CLGN: variants seen among roughly 807,000 people sequenced by gnomAD.
The protein encoded by CLGN is testis tissue sperm-binding protein Li 79P.
Under a neutral mutation model 79.1 loss-of-function variants are expected in CLGN, and 62 were observed. The ratio of observed to expected loss-of-function variants is 0.78; its 90% CI spans 0.64 to 0.97. The LOEUF is 0.97. CLGN is among the 50% of genes least tolerant of loss of function. The probability of loss-of-function intolerance (pLI) is 0.00; values close to 1 mark genes in which losing one functional copy is unlikely to be tolerated. For synonymous variants in CLGN, 225 were observed against 224.7 expected (o/e 1.00, Z -0.01); for missense variants, 647 against 715.5 (o/e 0.90, Z 1.09).
chr4:140,418,402 A>G (rs1389283212), intron 1 of CLGN, among the ~76,000 whole-genome samples: 2 of 148,426 alleles, frequency 1.3e-5, no homozygotes, highest in East Asian at 1.9e-4. Flanking sequence ...AACTACCATC[A>G]GAGTGAACAA....
chr4:140,413,191 A>G (rs1212306072), intron 1 of CLGN, 104 bp from the exon 2 acceptor site: 1 of 840,740 alleles, frequency 1.2e-6, no homozygotes, highest in Non-Finnish European at 1.9e-6. Flanking sequence ...CCTTTATTCT[A>G]GGATGGCTTT....
In CLGN at chr4:140,415,306, A is replaced by C. The variant is rs1356720592; in HGVS notation, c.-9-2219T>G. On this transcript the variant is annotated intron_variant, in intron 1 of 14. Coordinates refer to ENST00000325617, the MANE Select transcript of CLGN (RefSeq NM_004362.3). Reference sequence around the variant, plus strand: ...AACTGCATCAACTAACGAGCAAAATAACCAGCTAACATCATAATGACAGGA... The same window carrying C: ...AACTGCATCAACTAACGAGCAAAATCACCAGCTAACATCATAATGACAGGA... 7.2e-5 allele frequency among the ~76,000 whole-genome samples: 11 copies of C among 151,904 alleles called. No individual in the cohort carries two copies. The East Asian group carries it at 1.9e-3, about 27-fold the overall frequency.
intron 2 of CLGN, among the ~76,000 whole-genome samples, chr4:140,412,012 A>C (rs1729220904): frequency 6.6e-6 from 1 of 152,152 alleles, no homozygotes; most frequent in Non-Finnish European, 1.5e-5. Context: ...ATTTCTTTGA[A>C]GTATTAATAT....
At chr4:140,404,110 C>G (rs1729047931) in intron 5 of CLGN, among the ~76,000 whole-genome samples, 1 of 150,964 alleles carries the variant, frequency 6.6e-6, no homozygotes, top group Non-Finnish European at 1.5e-5. Flanking sequence ...TTTTTTGAGA[C>G]AGTCTCACTC....
chr4:140,423,348 C>T (rs549934576), intron 1 of CLGN, among the ~76,000 whole-genome samples: 1 of 152,260 alleles, frequency 6.6e-6, no homozygotes, highest in South Asian at 2.1e-4. Context: ...CACTGATTTT[C>T]TTATGTTGAA....
At chr4:140,414,545 T>C (rs1463374492) in intron 1 of CLGN, among the ~76,000 whole-genome samples, 14 of 149,020 alleles carry the variant, frequency 9.4e-5, no homozygotes, top group Non-Finnish European at 1.8e-4. Context: ...GAGAACTACG[T>C]GAAGAATGCA....
At chr4:140,415,060 A>C (rs1174990338) in intron 1 of CLGN, among the ~76,000 whole-genome samples, 3 of 152,062 alleles carry the variant, frequency 2.0e-5, no homozygotes, top group African/African-American at 4.8e-5. Flanking sequence ...ATTCTTAAAG[A>C]CAAGAATTTT....
chr4:140,389,569 T>C (rs1326807267), intron 14 of CLGN, among the ~76,000 whole-genome samples: 2 of 151,802 alleles, frequency 1.3e-5, no homozygotes, highest in Non-Finnish European at 3.0e-5. Context: ...AAATATTTTG[T>C]AAAGTAAATG....
At chr4:140,400,619 C>T (rs1728981745) in intron 6 of CLGN, 70 bp from the exon 7 acceptor site, 2 of 984,618 alleles carry the variant, frequency 2.0e-6, no homozygotes, top group Admixed American at 2.7e-5. Flanking sequence ...TGTATTTTAT[C>T]CAATGGGTAG....
intron 1 of CLGN, among the ~76,000 whole-genome samples, chr4:140,414,286 A>G (rs1363677577): frequency 2.6e-5 from 4 of 152,180 alleles, no homozygotes; most frequent in Non-Finnish European, 1.5e-5. Flanking sequence ...TCTAAAAAGC[A>G]GAGCGCCTCT....
chr4:140,394,413 G>A (rs1728832150), intron 10 of CLGN, among the ~76,000 whole-genome samples: 1 of 152,166 alleles, frequency 6.6e-6, no homozygotes, highest in African/African-American at 2.4e-5. Context: ...TAGCAAAAAT[G>A]GAGTTACTCC....
chr4:140,392,534 A>G (rs1172996063), intron 12 of CLGN, 52 bp downstream of exon 12: 1 of 1,553,264 alleles, frequency 6.4e-7, no homozygotes, highest in South Asian at 1.2e-5. Flanking sequence ...TAGAACTCTT[A>G]AACAACAAGA....
At position 140,400,443 on chromosome 4, in the gene CLGN, C is replaced by A; in HGVS notation, c.608G>T (p.Gly203Val). 2 of 1,612,350 alleles carry A rather than the reference C, an allele frequency of 1.2e-6. No individual in the cohort carries two copies. The highest frequency in any genetic ancestry group is 1.7e-6 in the Non-Finnish European group (2 of 1,178,666). ...FIFRHKHPKT[G>V]VFEEKHAKPP... is the part of the protein sequence containing the mutation. ...TTTGGCATGTTTCTCTTCGAAAACT[C>A]CAGTTTTGGGATGTTTATGTCTGAA... is the stretch of plus-strand genomic sequence containing the variant. Residue 203 changes from glycine to valine, a missense_variant, in exon 7 of 15, where the codon GGA (glycine) becomes GTA (valine). Gly to Val is a moderately radical substitution (Grantham distance 109). Transcript: ENST00000325617.
At chr4:140,420,021 A>T (rs1466761556) in intron 1 of CLGN, among the ~76,000 whole-genome samples, 7 of 152,210 alleles carry the variant, frequency 4.6e-5, no homozygotes, top group Non-Finnish European at 1.0e-4. Flanking sequence ...AGCAAAATAA[A>T]AACACATAAA....
chr4:140,424,618 G>A (rs1444124964), intron 1 of CLGN, among the ~76,000 whole-genome samples: 1 of 152,106 alleles, frequency 6.6e-6, no homozygotes, highest in Non-Finnish European at 1.5e-5. Flanking sequence ...ATGGTATAGG[G>A]TAGAACATTT....
intron 1 of CLGN, among the ~76,000 whole-genome samples, chr4:140,418,614 A>T (rs1729394364): frequency 6.6e-6 from 1 of 151,176 alleles, no homozygotes; most frequent in Admixed American, 6.6e-5. Context: ...GCTCATCATC[A>T]CTGGCCATCA....
At chr4:140,419,299 C>T (rs1373815930) in intron 1 of CLGN, among the ~76,000 whole-genome samples, 1 of 151,914 alleles carries the variant, frequency 6.6e-6, no homozygotes, top group East Asian at 1.9e-4. Flanking sequence ...CACATGTATA[C>T]ATATGTAACT....
chr4:140,401,136 C>T (rs2126620854), intron 6 of CLGN, among the ~76,000 whole-genome samples: 1 of 152,254 alleles, frequency 6.6e-6, no homozygotes, highest in Admixed American at 6.5e-5. Flanking sequence ...GCTCTCTGCA[C>T]CTCCATTTCA....
chr4:140,413,316 G>A (rs1024468942), intron 1 of CLGN, among the ~76,000 whole-genome samples: 1 of 152,116 alleles, frequency 6.6e-6, no homozygotes, highest in African/African-American at 2.4e-5. Flanking sequence ...CAAAAACAAA[G>A]AGCCAATGGC....
Sources: allele counts gnomAD v4.1 joint callset (sites outside exome capture counted in the v4.1 genomes callset), GRCh38; gene constraint gnomAD v4.1.1; transcripts MANE v1.5; gene names NCBI Gene and HGNC (gene_info 2026-07-23, HGNC 2026-07-21).